KIT: variants seen among roughly 807,000 people sequenced by gnomAD.
KIT encodes the protein KIT proto-oncogene, receptor tyrosine kinase, also known as mast/stem cell growth factor receptor Kit.
In KIT, 16 loss-of-function variants were observed where a neutral mutation model predicts 105.7. That is an observed-to-expected ratio of 0.15 (90% CI 0.10 to 0.23). The LOEUF (loss-of-function observed/expected upper bound fraction) is 0.23. Ranked by LOEUF, KIT falls within the 10% of genes least tolerant of loss-of-function variation. KIT has a pLI of 1.00. For synonymous variants in KIT, 438 were observed against 441.1 expected (o/e 0.99, Z 0.09); for missense variants, 858 against 1,213.8 (o/e 0.71, Z 4.36).
intron 1 of KIT, among the ~76,000 whole-genome samples, chr4:54,678,850 C>T (rs1431288182): frequency 6.6e-6 from 1 of 152,164 alleles, no homozygotes; most frequent in Non-Finnish European, 1.5e-5. Context: ...AACTCCAGTA[C>T]ACCAGTTGTT....
chr4:54,719,963 C>T (rs777987319), intron 7 of KIT, among the ~76,000 whole-genome samples: 2 of 152,044 alleles, frequency 1.3e-5, no homozygotes, highest in Admixed American at 1.3e-4. Context: ...AGGGAAAGGG[C>T]TGGACCGAGG....
chr4:54,699,857 G>A (rs1015920599), intron 4 of KIT, 91 bp downstream of exon 4: 38 of 1,383,576 alleles, frequency 2.7e-5, no homozygotes, highest in Non-Finnish European at 3.7e-5. Context: ...AAACTGCCTC[G>A]ACTAGTGCGT....
At chr4:54,678,327 TC>T (rs1718640475) in intron 1 of KIT, among the ~76,000 whole-genome samples, 1 of 97,748 alleles carries the variant, frequency 1.0e-5, no homozygotes, top group Non-Finnish European at 2.1e-5. Context: ...CTTCCTTCCT[TC>T]CTTCCTTCCT....
intron 17 of KIT, among the ~76,000 whole-genome samples, chr4:54,734,466 T>C (rs1722799076): frequency 3.9e-5 from 6 of 152,330 alleles, no homozygotes; most frequent in Middle Eastern, 3.4e-3. Flanking sequence ...TTATTTACGA[T>C]CTAAATAATC....
Position 54,739,658 on chromosome 4 carries a change from A to G in KIT, c.*1101A>G, listed in dbSNP as rs886059468. The G allele has an allele frequency of 4.3e-6, 1 of 233,490 alleles. No homozygotes were observed. The highest frequency in any genetic ancestry group is 8.5e-6 in the Non-Finnish European group (1 of 117,980). 14.5% of individuals were successfully genotyped at this position (233,490 alleles called of 1,614,324 possible). ...TCCTGGACACCGGGCCAGTATCTATATATGTGTATGTACGTTTGTATGTGT... is the reference window on the plus strand; with the variant it reads ...TCCTGGACACCGGGCCAGTATCTATGTATGTGTATGTACGTTTGTATGTGT... On this transcript the variant is annotated 3_prime_UTR_variant, in exon 21 of 21. Coordinates refer to ENST00000288135, the MANE Select transcript of KIT (RefSeq NM_000222.3).
intron 1 of KIT, among the ~76,000 whole-genome samples, chr4:54,664,094 C>A (rs888870754): frequency 6.6e-6 from 1 of 152,058 alleles, no homozygotes; most frequent in Non-Finnish European, 1.5e-5. Flanking sequence ...TAATAGAGAT[C>A]AGGAATCAGT....
intron 1 of KIT, among the ~76,000 whole-genome samples, chr4:54,660,098 G>A (rs1717140489): frequency 2.6e-5 from 4 of 152,118 alleles, no homozygotes; most frequent in Admixed American, 2.6e-4. Flanking sequence ...TGTAGACTCA[G>A]CACTCTTTTT....
At position 54,729,496 on chromosome 4, in the gene KIT, T is replaced by G. The variant is rs2109787297; in HGVS notation, c.2141+11T>G. 6.2e-7 allele frequency: 1 copy of G among 1,612,384 alleles called. No homozygotes were observed. Among genetic ancestry groups the G allele is most frequent in the Middle Eastern group, 1.7e-4 (1 of 6,050 alleles). On this transcript the variant is annotated intron_variant, in intron 14 of 20. Coordinates refer to ENST00000288135, the MANE Select transcript of KIT (RefSeq NM_000222.3). Reference sequence around the variant, plus strand: ...AAAGGAGTCTTCCTGGTAAGACTGATTTACATAAATAGTTAGCTGTTGACA... The same window carrying G: ...AAAGGAGTCTTCCTGGTAAGACTGAGTTACATAAATAGTTAGCTGTTGACA...
At chr4:54,674,884 A>G (rs1193640075) in intron 1 of KIT, among the ~76,000 whole-genome samples, 1 of 152,236 alleles carries the variant, frequency 6.6e-6, no homozygotes, top group Non-Finnish European at 1.5e-5. Flanking sequence ...TTGGTGTGAG[A>G]TTCCTTGAGT....
chr4:54,733,709 T>A (rs1722742748), intron 17 of KIT, among the ~76,000 whole-genome samples: 1 of 152,180 alleles, frequency 6.6e-6, no homozygotes, highest in Admixed American at 6.5e-5. Context: ...TCCTTGCCAA[T>A]TTTTATTGAA....
chr4:54,711,664 G>A (rs1199879202), intron 7 of KIT, among the ~76,000 whole-genome samples: 2 of 62,530 alleles, frequency 3.2e-5, no homozygotes, highest in Admixed American at 2.2e-4. Context: ...GCTCACGCCT[G>A]TAATCCCAGC....
chr4:54,733,417 G>A, intron 17 of KIT: 1 of 470,548 alleles, frequency 2.1e-6, no homozygotes, highest in Non-Finnish European at 3.9e-6. Flanking sequence ...TAATTTTGGG[G>A]CATGTGAAGG....
intron 11 of KIT, 35 bp downstream of exon 11, chr4:54,727,577 T>G (rs1722318947): frequency 2.5e-6 from 4 of 1,613,736 alleles, no homozygotes; most frequent in Non-Finnish European, 3.4e-6. Context: ...ATGTCACCTT[T>G]TTGGGTACAC....
At chr4:54,729,954 G>A (rs556396355) in intron 14 of KIT, among the ~76,000 whole-genome samples, 34 of 152,180 alleles carry the variant, frequency 2.2e-4, no homozygotes, top group Admixed American at 1.1e-3. Context: ...TCTTGCCATC[G>A]ACCTCTGGAT....
intron 6 of KIT, among the ~76,000 whole-genome samples, chr4:54,708,399 G>A (rs1720923230): frequency 6.6e-6 from 1 of 152,048 alleles, no homozygotes; most frequent in African/African-American, 2.4e-5. Flanking sequence ...AGGGAAAGGA[G>A]GCAAGTAAGG....
intron 1 of KIT, among the ~76,000 whole-genome samples, chr4:54,684,750 G>A (rs1176074056): frequency 1.3e-5 from 2 of 152,188 alleles, no homozygotes; most frequent in African/African-American, 2.4e-5. Flanking sequence ...ACCAATGGCC[G>A]GGCCTGCTTC....
chr4:54,727,456 T>A lies in KIT; in HGVS notation c.1688T>A (p.Ile563Lys), dbSNP rs780708976. ...YEVQWKVVEEINGNNYVYIDP... is the reference protein window; with the variant it reads ...YEVQWKVVEEKNGNNYVYIDP... ...GTACAGTGGAAGGTTGTTGAGGAGATAAATGGAAACAATTATGTTTACATA... is the reference window on the plus strand; with the variant it reads ...GTACAGTGGAAGGTTGTTGAGGAGAAAAATGGAAACAATTATGTTTACATA... The change falls in exon 11 of 21, where the codon ATA (isoleucine) becomes AAA (lysine). Residue 563 changes from isoleucine (I) to lysine (K), a missense_variant. Around this residue, in one of 7 missense-constraint regions of KIT, gnomAD observed 78 missense variants for 77.6 expected, o/e 1.01. Coordinates refer to ENST00000288135, the MANE Select transcript of KIT (RefSeq NM_000222.3). The A allele has an allele frequency of 9.3e-6, 15 of 1,613,990 alleles. No individual in the cohort carries two copies. Among genetic ancestry groups the A allele is most frequent in the South Asian group, 1.1e-5 (1 of 91,090 alleles).
intron 1 of KIT, among the ~76,000 whole-genome samples, chr4:54,669,059 A>G (rs183997983): frequency 6.6e-6 from 1 of 152,362 alleles, no homozygotes. Flanking sequence ...CAGGATTCTT[A>G]ACCTAAAATA....
chr4:54,704,604 A>C (rs1483246140), intron 5 of KIT, among the ~76,000 whole-genome samples: 1 of 152,214 alleles, frequency 6.6e-6, no homozygotes, highest in Non-Finnish European at 1.5e-5. Context: ...TTATTTAAAG[A>C]GAGCAGAGCA....
Sources: gnomAD v4.1 joint callset for allele counts (sites outside exome capture counted in the v4.1 genomes callset) on GRCh38, gnomAD v4.1.1 for gene constraint, gnomAD v4.1.1 regional missense constraint, MANE v1.5 for transcripts, NCBI Gene and HGNC (gene_info 2026-07-23, HGNC 2026-07-21) for gene names.